The following SLC17A6 variants were observed in gnomAD, a reference collection of about 807,000 sequenced individuals.
The protein encoded by SLC17A6 is vesicular glutamate transporter 2.
Under a neutral mutation model 67.1 loss-of-function variants are expected in SLC17A6, and 35 were observed. The observed-to-expected ratio is 0.52, with a 90% CI of 0.40 to 0.69. SLC17A6 has a LOEUF of 0.69. Ranked by LOEUF, SLC17A6 falls within the 30% of genes least tolerant of loss-of-function variation. The pLI is 0.00. For missense variants in SLC17A6, 588 were observed against 723.9 expected (o/e 0.81, Z 2.15); for synonymous variants, 285 against 252.3 (o/e 1.13, Z -1.23).
rs142720613 is a variant in SLC17A6 at position 22,361,091 on chromosome 11, A to G, written c.661+107A>G. On this transcript the variant is annotated intron_variant, in intron 5 of 11. Transcript: ENST00000263160. ...ACCTGTAAAACCATCTGGGTTTTGT[A>G]TGAACATCTGTGAGTGGTAAGGTTT... 2.5e-5 allele frequency: 20 copies of G among 802,694 alleles called. No homozygotes were observed. The East Asian group carries it at 5.2e-4, about 21-fold the overall frequency. The allele number at this position is 802,694 out of a possible 1,614,324, so 49.7% of individuals were successfully genotyped here. A position where few individuals can be genotyped will look rare whatever the true frequency, so the allele number is the denominator to read the frequency against.
intron 8 of SLC17A6, among the ~76,000 whole-genome samples, chr11:22,373,078 C>A (rs1237465916): frequency 1.3e-5 from 2 of 152,140 alleles, no homozygotes; most frequent in Non-Finnish European, 2.9e-5. Context: ...GCTTTGCACA[C>A]CCTTTGCTGA....
intron 2 of SLC17A6, 158 bp from the exon 3 acceptor site, chr11:22,343,089 G>C: frequency 1.4e-6 from 1 of 721,202 alleles, no homozygotes; most frequent in South Asian, 1.5e-5. Context: ...CGTTGCAAGA[G>C]GCAATTTTGT....
chr11:22,338,812 G>GGTGTGT (rs3047441), intron 1 of SLC17A6, among the ~76,000 whole-genome samples, 193 bp downstream of exon 1: 5,400 of 136,262 alleles, frequency 0.04, 299 homozygotes, highest in African/African-American at 0.13. Context: ...GAACCTGTCT[G>GGTGTGT]GTGTGTGTGT....
intron 6 of SLC17A6, 29 bp from the exon 7 acceptor site, chr11:22,365,518 A>G (rs1394909474): frequency 6.2e-7 from 1 of 1,613,052 alleles, no homozygotes; most frequent in Non-Finnish European, 8.5e-7. Context: ...AATGGAAGTG[A>G]CTTTCTCCTT....
At chr11:22,363,715 G>A (rs575365519) in intron 6 of SLC17A6, among the ~76,000 whole-genome samples, 1 of 152,232 alleles carries the variant, frequency 6.6e-6, no homozygotes, top group African/African-American at 2.4e-5. Flanking sequence ...TGGTTCAAAA[G>A]CCATGGATGG....
At chr11:22,373,846 C>CTA (rs1856200707) in intron 8 of SLC17A6, among the ~76,000 whole-genome samples, 1 of 152,174 alleles carries the variant, frequency 6.6e-6, no homozygotes, top group African/African-American at 2.4e-5. Context: ...TGATACCTTA[C>CTA]TATACACCAG....
intron 3 of SLC17A6, among the ~76,000 whole-genome samples, chr11:22,350,017 T>C (rs1028308919): frequency 6.6e-6 from 1 of 152,160 alleles, no homozygotes; most frequent in African/African-American, 2.4e-5. Flanking sequence ...TCTGTAGAAG[T>C]GACAAGTCAC....
At chr11:22,360,571 A>T (rs979297257) in intron 4 of SLC17A6, among the ~76,000 whole-genome samples, 1 of 141,952 alleles carries the variant, frequency 7.0e-6, no homozygotes, top group African/African-American at 2.5e-5. Flanking sequence ...ACAGAAAAAG[A>T]CTAATAATTT....
At chr11:22,351,607 T>C (rs925261879) in intron 3 of SLC17A6, among the ~76,000 whole-genome samples, 4 of 152,194 alleles carry the variant, frequency 2.6e-5, no homozygotes, top group African/African-American at 9.6e-5. Context: ...ACATTTCTCT[T>C]ATTAAATATT....
chr11:22,365,407 T>C, intron 6 of SLC17A6, 140 bp from the exon 7 acceptor site: 2 of 964,702 alleles, frequency 2.1e-6, no homozygotes, highest in Non-Finnish European at 3.2e-6. Flanking sequence ...GAAGAAAAGA[T>C]GGCTAACGTC....
intron 3 of SLC17A6, among the ~76,000 whole-genome samples, chr11:22,349,039 C>T (rs548916587): frequency 5.9e-5 from 9 of 152,180 alleles, no homozygotes; most frequent in East Asian, 5.8e-4. Context: ...CAAACACACA[C>T]GGACACACAA....
intron 3 of SLC17A6, among the ~76,000 whole-genome samples, chr11:22,347,948 G>GA (rs1425287279): frequency 1.3e-5 from 2 of 152,032 alleles, no homozygotes; most frequent in East Asian, 3.9e-4. Context: ...TTTTTCTAAA[G>GA]AAAAAATACT....
At chr11:22,377,297 C>T (rs1856241908) in intron 11 of SLC17A6, 108 bp from the exon 12 acceptor site, 1 of 973,484 alleles carries the variant, frequency 1.0e-6, no homozygotes, top group Non-Finnish European at 1.5e-6. Flanking sequence ...TGGATTTTTC[C>T]CAAATATAGT....
Position 22,377,887 on chromosome 11 carries a change from G to A in SLC17A6, c.*147G>A. 1 of 641,984 alleles carries A rather than the reference G, an allele frequency of 1.6e-6. No individual in the cohort carries two copies. The highest frequency in any genetic ancestry group is 2.6e-6 in the Non-Finnish European group (1 of 381,328). 39.8% of individuals were successfully genotyped at this position (641,984 alleles called of 1,614,324 possible). A position where few individuals can be genotyped will look rare whatever the true frequency, so the allele number is the denominator to read the frequency against. ...AAATGAAAACAAAACAAACCCATGA[G>A]GTTACCATCAAGTGCAATCTGTAAA... is the stretch of plus-strand genomic sequence containing the variant. On this transcript the variant is annotated 3_prime_UTR_variant, in exon 12 of 12. Transcript: ENST00000263160.
rs761224575 is a variant in SLC17A6, at chr11:22,341,690, C to T, written c.249C>T (p.Ile83=). Residue 83 remains isoleucine (I), a synonymous_variant, in exon 2 of 12, where the codon ATC becomes ATT. Transcript: ENST00000263160. ...IAIMSGLGFC[I]SFGIRCNLGV... is the part of the protein sequence containing the mutation. ...TCATGAGCGGCCTGGGCTTCTGCAT[C>T]TCCTTCGGTATCCGCTGCAACCTGG... is the stretch of plus-strand genomic sequence containing the variant. 5.0e-6 allele frequency: 8 copies of T among 1,614,140 alleles called. No individual in the cohort carries two copies. The highest frequency in any genetic ancestry group is 1.1e-5 in the South Asian group (1 of 91,090).
Position 22,377,388 on chromosome 11 carries a change from G to T in SLC17A6, c.1414-17G>T. ...ATGGGGAGTCAGTTCTCACAGTGCT[G>T]CTTTTTCTCACTGCAGTCACGTGAA... On this transcript the variant is annotated splice_polypyrimidine_tract_variant and intron_variant, in intron 11 of 11. Transcript: ENST00000263160. 6.3e-7 allele frequency: 1 copy of T among 1,585,072 alleles called. No homozygotes were observed. The highest frequency in any genetic ancestry group is 1.7e-4 in the Middle Eastern group (1 of 5,878).
intron 3 of SLC17A6, among the ~76,000 whole-genome samples, chr11:22,359,019 T>C (rs1856019911): frequency 6.6e-6 from 1 of 152,230 alleles, no homozygotes; most frequent in African/African-American, 2.4e-5. Flanking sequence ...TGTCAGGCAC[T>C]GTGCTAAGTG....
intron 6 of SLC17A6, among the ~76,000 whole-genome samples, chr11:22,364,167 T>C (rs755535970): frequency 1.3e-5 from 2 of 152,146 alleles, no homozygotes; most frequent in Non-Finnish European, 2.9e-5. Flanking sequence ...CATTCAGTTT[T>C]CGCATTTTAA....
At chr11:22,354,136 T>G (rs1855972729) in intron 3 of SLC17A6, among the ~76,000 whole-genome samples, 2 of 152,064 alleles carry the variant, frequency 1.3e-5, no homozygotes, top group South Asian at 4.2e-4. Flanking sequence ...CAGGCTGGAG[T>G]GCAGTGGCAC....
Sources: allele counts gnomAD v4.1 joint callset (sites outside exome capture counted in the v4.1 genomes callset), GRCh38; gene constraint gnomAD v4.1.1; transcripts MANE v1.5; gene names NCBI Gene and HGNC (gene_info 2026-07-23, HGNC 2026-07-21).